Variants in GMDS observed in about 807,000 individuals in gnomAD.
GMDS encodes the protein GDP-mannose 4,6-dehydratase, also known as GDP-mannose 4,6 dehydratase.
Under a neutral mutation model 49.9 loss-of-function variants are expected in GMDS, and 20 were observed. That is an observed-to-expected ratio of 0.40 (90% confidence interval 0.28 to 0.58). GMDS has a LOEUF of 0.58. Among genes scored for constraint, GMDS ranks in the 20% least tolerant of loss-of-function variants. GMDS has a pLI of 0.42. For missense variants in GMDS, 362 were observed against 481.4 expected (o/e 0.75, Z 2.32); for synonymous variants, 177 against 178.6 (o/e 0.99, Z 0.07).
At chr6:2,161,073 G>T (rs1438147738) in intron 1 of GMDS, among the ~76,000 whole-genome samples, 2 of 151,938 alleles carry the variant, frequency 1.3e-5, no homozygotes, top group Non-Finnish European at 2.9e-5. Context: ...GTGCAATGGT[G>T]TGATCTCGGC....
intron 1 of GMDS, among the ~76,000 whole-genome samples, chr6:2,227,958 G>A (rs772893902): frequency 1.2e-4 from 19 of 152,194 alleles, no homozygotes; most frequent in Non-Finnish European, 2.4e-4. Context: ...GTGGCTGTGC[G>A]GCCCTTTCTC....
At chr6:2,008,435 TACATGTCAGG>T (rs1363049864) in intron 4 of GMDS, among the ~76,000 whole-genome samples, 1 of 152,218 alleles carries the variant, frequency 6.6e-6, no homozygotes, top group African/African-American at 2.4e-5. Flanking sequence ...TGTTATGGCA[TACATGTCAGG>T]ACTGGCTGAT....
intron 7 of GMDS, among the ~76,000 whole-genome samples, chr6:1,916,140 G>A (rs909638344): frequency 2.0e-5 from 3 of 152,206 alleles, no homozygotes; most frequent in East Asian, 1.9e-4. Context: ...ACGTAGTTTA[G>A]CCCTTTATTC....
chr6:1,944,503 T>A (rs2127266052), intron 6 of GMDS, among the ~76,000 whole-genome samples: 1 of 142,750 alleles, frequency 7.0e-6, no homozygotes, highest in Admixed American at 7.0e-5. Flanking sequence ...AGATTGCGTC[T>A]AAAAAAATAT....
chr6:1,674,099 C>A (rs1415540565), intron 9 of GMDS, among the ~76,000 whole-genome samples: 1 of 151,868 alleles, frequency 6.6e-6, no homozygotes, highest in Non-Finnish European at 1.5e-5. Flanking sequence ...TATGAAATTG[C>A]AAACATTCGT....
At chr6:2,146,627 T>C (rs1776572851) in intron 1 of GMDS, among the ~76,000 whole-genome samples, 1 of 152,190 alleles carries the variant, frequency 6.6e-6, no homozygotes, top group South Asian at 2.1e-4. Flanking sequence ...TTTGCTATAA[T>C]TAACTTCTTT....
At chr6:1,939,097 T>C (rs1461171551) in intron 6 of GMDS, among the ~76,000 whole-genome samples, 1 of 152,084 alleles carries the variant, frequency 6.6e-6, no homozygotes, top group South Asian at 2.1e-4. Flanking sequence ...ATTCTGTTCT[T>C]GCTTGCTTAT....
chr6:1,820,618 C>T (rs538939426), intron 7 of GMDS, among the ~76,000 whole-genome samples: 207 of 152,046 alleles, frequency 1.4e-3, no homozygotes, highest in Non-Finnish European at 2.5e-3. Flanking sequence ...ATTCTGTTTA[C>T]GTTTTAATGT....
chr6:2,115,948 A>G, intron 3 of GMDS, 68 bp from the exon 4 acceptor site: 1 of 899,274 alleles, frequency 1.1e-6, no homozygotes, highest in Non-Finnish European at 1.9e-6. Flanking sequence ...AAAAACATCA[A>G]AATTGAAATG....
chr6:2,147,967 C>T (rs1015460818), intron 1 of GMDS, among the ~76,000 whole-genome samples: 1 of 151,468 alleles, frequency 6.6e-6, no homozygotes, highest in Non-Finnish European at 1.5e-5. Flanking sequence ...ATTTGAAATA[C>T]GTTAGGAGTA....
intron 7 of GMDS, among the ~76,000 whole-genome samples, chr6:1,798,273 AC>A (rs1769817418): frequency 7.4e-6 from 1 of 135,380 alleles, no homozygotes; most frequent in Non-Finnish European, 1.6e-5. Context: ...ACACACACAC[AC>A]ACACACACAC....
chr6:2,172,193 C>A (rs1158879210), intron 1 of GMDS, among the ~76,000 whole-genome samples: 1 of 152,122 alleles, frequency 6.6e-6, no homozygotes, highest in Non-Finnish European at 1.5e-5. Context: ...AAGACAAAGT[C>A]TCTCAGATTG....
In GMDS at chr6:2,245,431, G is replaced by A; in HGVS notation, c.-9C>T. On this transcript the variant is annotated 5_prime_UTR_variant, in exon 1 of 11. Coordinates refer to ENST00000380815, the MANE Select transcript of GMDS (RefSeq NM_001500.4). The stretch of plus-strand genomic sequence containing the variant: ...GCCGGTGCGTGTGCCATGTCCCGCG[G>A]CGGGCGTGCGGTCGGCGGCAGGGCG... The A allele has an allele frequency of 2.1e-6, 3 of 1,455,314 alleles. No individual in the cohort carries two copies. The highest frequency in any genetic ancestry group is 2.7e-6 in the Non-Finnish European group (3 of 1,110,040). The allele number at this position is 1,455,314 out of a possible 1,614,324, so 90.2% of individuals were successfully genotyped here.
chr6:2,243,889 C>A, intron 1 of GMDS, among the ~76,000 whole-genome samples: 1 of 107,506 alleles, frequency 9.3e-6, no homozygotes, highest in Non-Finnish European at 1.7e-5. Context: ...GGCAGGATCT[C>A]ACTCTCTTGC....
At chr6:2,027,241 AT>A (rs1423989868) in intron 4 of GMDS, among the ~76,000 whole-genome samples, 1 of 152,172 alleles carries the variant, frequency 6.6e-6, no homozygotes, top group African/African-American at 2.4e-5. Flanking sequence ...GAGCGAACAC[AT>A]TTTGGGCAAG....
At chr6:1,649,009 C>T (rs1029728927) in intron 9 of GMDS, among the ~76,000 whole-genome samples, 3 of 152,224 alleles carry the variant, frequency 2.0e-5, no homozygotes, top group Non-Finnish European at 4.4e-5. Flanking sequence ...TTCACATTTA[C>T]ACACATATAA....
chr6:1,965,764 T>C (rs192852049), intron 4 of GMDS, among the ~76,000 whole-genome samples: 1 of 151,994 alleles, frequency 6.6e-6, no homozygotes, highest in Non-Finnish European at 1.5e-5. Context: ...ACCCAGGAGG[T>C]TGAGGCTCCA....
At position 1,778,203 on chromosome 6, in the gene GMDS, T is replaced by C. The variant is rs770917205; in HGVS notation, c.772-35617A>G. ...TCACGAAAAGCGCCCTTGGGTCTCA[T>C]TTTGCTGGGATGACTATTTATATGA... is the stretch of plus-strand genomic sequence containing the variant. On this transcript the variant is annotated intron_variant, in intron 7 of 10. Transcript: ENST00000380815. The surrounding 1 kb of genome is among the most constrained non-coding windows in gnomAD (Gnocchi z 4.6). 5.3e-5 allele frequency among the ~76,000 whole-genome samples: 8 copies of C among 152,150 alleles called. No homozygotes were observed. Among genetic ancestry groups the C allele is most frequent in the Non-Finnish European group, 1.0e-4 (7 of 68,036 alleles).
Position 1,904,158 on chromosome 6 carries a change from G to A in GMDS, c.771+25945C>T, listed in dbSNP as rs965282926. On this transcript the variant is annotated intron_variant, in intron 7 of 10. Transcript: ENST00000380815. ...AGCGGTTCAGAAGAGAATGGCTTCT[G>A]AGAAAGCCATTTTAAAACCCTAAGA... 9.2e-5 allele frequency among the ~76,000 whole-genome samples: 14 copies of A among 152,270 alleles called. 1 individual carries two copies. The South Asian group carries it at 2.9e-3, about 32-fold the overall frequency.
Sources: gnomAD v4.1 joint callset for allele counts (sites outside exome capture counted in the v4.1 genomes callset) on GRCh38, gnomAD v4.1.1 for gene constraint, Gnocchi (gnomAD v3.1) non-coding constraint, MANE v1.5 for transcripts, NCBI Gene and HGNC (gene_info 2026-07-23, HGNC 2026-07-21) for gene names.